KALRN: variants seen among roughly 807,000 people sequenced by gnomAD.
KALRN encodes the protein kalirin RhoGEF kinase.
Under a neutral mutation model 353.7 loss-of-function variants are expected in KALRN, and 70 were observed. The ratio of observed to expected loss-of-function variants is 0.20; its 90% CI spans 0.16 to 0.24. KALRN has a LOEUF of 0.24. Among genes scored for constraint, KALRN ranks in the 10% least tolerant of loss-of-function variants. The pLI is 1.00. For missense variants in KALRN, 2,791 were observed against 3,756.7 expected (o/e 0.74, Z 6.72); for synonymous variants, 1,391 against 1,434.8 (o/e 0.97, Z 0.69).
rs554437748 is a variant in KALRN at position 124,234,769 on chromosome 3, T to C, written c.149-60T>C. The C allele has an allele frequency of 1.2e-5, 16 of 1,316,048 alleles. No individual in the cohort carries two copies. The African/African-American group carries it at 2.3e-4, about 19-fold the overall frequency. 81.5% of individuals were successfully genotyped at this position (1,316,048 alleles called of 1,614,324 possible). A position where few individuals can be genotyped will look rare whatever the true frequency, so the allele number is the denominator to read the frequency against. ...AGCACTCAGACAGATTTCTTTTTCCTCTGTGGCTTTCCTTTCTGACTGGTT... is the reference window on the plus strand; with the variant it reads ...AGCACTCAGACAGATTTCTTTTTCCCCTGTGGCTTTCCTTTCTGACTGGTT... On this transcript the variant is annotated intron_variant, in intron 2 of 59. Coordinates refer to ENST00000682506, the MANE Select transcript of KALRN (RefSeq NM_001388419.1).
At position 124,674,554 on chromosome 3, in the gene KALRN, G is replaced by A. The variant is rs1239183045; in HGVS notation, c.7133G>A (p.Gly2378Asp). 6.2e-7 allele frequency: 1 copy of A among 1,612,364 alleles called. No homozygotes were observed. Among genetic ancestry groups the A allele is most frequent in the Non-Finnish European group, 8.5e-7 (1 of 1,179,068 alleles). Residue 2378 changes from glycine (G) to aspartate (D), a missense_variant, in exon 49 of 60, where the codon GGC (glycine) becomes GAC (aspartate). Gly to Asp is a moderately conservative substitution (Grantham distance 94). Coordinates refer to ENST00000682506, the MANE Select transcript of KALRN (RefSeq NM_001388419.1). ...HSPAAEGWVP[G>D]SILAPLTKAT... ...CCCGCCGCCGAGGGCTGGGTCCCAG[G>A]CAGCATCCTGGCGCCCCTCACCAAA...
At chr3:124,499,364 T>C (rs978180393) in intron 33 of KALRN, among the ~76,000 whole-genome samples, 15 of 152,210 alleles carry the variant, frequency 9.9e-5, no homozygotes, top group African/African-American at 3.4e-4. Context: ...GCAAAGATAA[T>C]AATACCTATC....
chr3:124,721,641 T>C lies in KALRN; in HGVS notation c.*2171T>C, dbSNP rs1276893731. 1 of 152,206 alleles carries C rather than the reference T, an allele frequency of 6.6e-6. No homozygotes were observed. The highest frequency in any genetic ancestry group is 2.4e-5 in the African/African-American group (1 of 41,456). The allele number at this position is 152,206 out of a possible 1,614,324, so 9.4% of individuals were successfully genotyped here. A position where few individuals can be genotyped will look rare whatever the true frequency, so the allele number is the denominator to read the frequency against. ...TAAAACCCTTTCAATAAACATGTCT[T>C]CATTATGGTATACAGCATAAAAGAG... On this transcript the variant is annotated 3_prime_UTR_variant, in exon 60 of 60. Coordinates refer to ENST00000682506, the MANE Select transcript of KALRN (RefSeq NM_001388419.1).
intron 51 of KALRN, among the ~76,000 whole-genome samples, chr3:124,685,622 A>G (rs2061522293): frequency 1.3e-5 from 2 of 152,212 alleles, no homozygotes; most frequent in Non-Finnish European, 2.9e-5. Context: ...AATTTCTTCA[A>G]CAACTTTTCA....
chr3:124,590,804 C>T (rs2075695898), intron 34 of KALRN, among the ~76,000 whole-genome samples: 1 of 152,026 alleles, frequency 6.6e-6, no homozygotes. Context: ...GCAGAAGGGA[C>T]TAAATCATGG....
intron 13 of KALRN, among the ~76,000 whole-genome samples, chr3:124,402,744 A>G (rs895003470): frequency 2.6e-5 from 4 of 152,186 alleles, no homozygotes; most frequent in African/African-American, 9.7e-5. Context: ...AAAATTCAAC[A>G]TGCTCTTTGG....
chr3:124,633,707 A>G (rs1375137639), intron 35 of KALRN, 145 bp from the exon 36 acceptor site: 9 of 635,996 alleles, frequency 1.4e-5, no homozygotes, highest in African/African-American at 5.5e-5. Context: ...GTATCCATGT[A>G]TCAAAAGAGG....
At chr3:124,263,211 C>T (rs186381694) in intron 3 of KALRN, among the ~76,000 whole-genome samples, 2 of 152,332 alleles carry the variant, frequency 1.3e-5, no homozygotes, top group Admixed American at 1.3e-4. Flanking sequence ...AAGATGGTCA[C>T]TGTCACTTCA....
chr3:124,220,364 ATTTC>A (rs1393986629), intron 1 of KALRN, among the ~76,000 whole-genome samples: 1 of 151,016 alleles, frequency 6.6e-6, no homozygotes, highest in Non-Finnish European at 1.5e-5. Flanking sequence ...ATTCACCTCT[ATTTC>A]TTTCTCTCTC....
At chr3:124,271,033 G>C (rs535035745) in intron 5 of KALRN, among the ~76,000 whole-genome samples, 1 of 151,888 alleles carries the variant, frequency 6.6e-6, no homozygotes, top group Non-Finnish European at 1.5e-5. Flanking sequence ...GGGTTTCACC[G>C]TGTTAGCCAG....
chr3:124,476,694 T>C (rs753473531), intron 26 of KALRN, among the ~76,000 whole-genome samples: 4 of 152,194 alleles, frequency 2.6e-5, no homozygotes, highest in Non-Finnish European at 4.4e-5. Context: ...TTGTTTAGCC[T>C]CTGCCCCAGG....
At chr3:124,144,431 G>A (rs2067023234) in intron 1 of KALRN, among the ~76,000 whole-genome samples, 1 of 151,898 alleles carries the variant, frequency 6.6e-6, no homozygotes, top group South Asian at 2.1e-4. Context: ...ACAGTGGGCA[G>A]CTAGCATCTC....
chr3:124,093,708 A>G (rs1577980930), intron 1 of KALRN, among the ~76,000 whole-genome samples: 1 of 152,360 alleles, frequency 6.6e-6, no homozygotes, highest in East Asian at 1.9e-4. Flanking sequence ...GAGGGACACA[A>G]AGATGGAGTT....
chr3:124,587,005 G>T (rs184474189), intron 34 of KALRN, among the ~76,000 whole-genome samples: 1 of 152,176 alleles, frequency 6.6e-6, no homozygotes, highest in African/African-American at 2.4e-5. Context: ...AAAAGATAAG[G>T]TCTGTATTGA....
At chr3:124,272,854 G>A (rs577138238) in intron 5 of KALRN, among the ~76,000 whole-genome samples, 2 of 152,328 alleles carry the variant, frequency 1.3e-5, no homozygotes, top group African/African-American at 4.8e-5. Context: ...GGCTTTGGAA[G>A]GGGGTGAAGA....
At chr3:124,505,686 C>G (rs1190315480) in intron 33 of KALRN, among the ~76,000 whole-genome samples, 3 of 152,108 alleles carry the variant, frequency 2.0e-5, no homozygotes, top group Non-Finnish European at 4.4e-5. Context: ...AGACAAGAAC[C>G]TCTGGAGCCA....
chr3:124,518,612 C>G, intron 33 of KALRN: 2 of 1,531,236 alleles, frequency 1.3e-6, no homozygotes, highest in Non-Finnish European at 1.8e-6. Context: ...GCAACATGTT[C>G]CAAGCAAAAT....
intron 1 of KALRN, among the ~76,000 whole-genome samples, chr3:124,038,403 C>T (rs2039627866): frequency 6.6e-6 from 1 of 151,978 alleles, no homozygotes; most frequent in South Asian, 2.1e-4. Context: ...CGTTAGTATC[C>T]AGAAAAGGAA....
intron 34 of KALRN, among the ~76,000 whole-genome samples, chr3:124,594,778 T>C (rs1312578414): frequency 1.3e-5 from 2 of 151,976 alleles, no homozygotes; most frequent in Admixed American, 1.3e-4. Flanking sequence ...AGCCTTTATC[T>C]CTCCTCCCCA....
Sources: allele counts gnomAD v4.1 joint callset (sites outside exome capture counted in the v4.1 genomes callset), GRCh38; gene constraint gnomAD v4.1.1; transcripts MANE v1.5; gene names NCBI Gene and HGNC (gene_info 2026-07-23, HGNC 2026-07-21).